ALK: variants seen among roughly 807,000 people sequenced by gnomAD.
ALK encodes the protein ALK tyrosine kinase receptor.
Under a neutral mutation model 163.1 loss-of-function variants are expected in ALK, and 74 were observed. That is an observed-to-expected ratio of 0.45 (90% CI 0.38 to 0.55). The LOEUF (loss-of-function observed/expected upper bound fraction) is 0.55, where lower values mean the gene tolerates loss of function less well. ALK is among the 20% of genes least tolerant of loss of function. The probability of loss-of-function intolerance (pLI) is 0.00; values close to 1 mark genes in which losing one functional copy is unlikely to be tolerated. For missense variants in ALK, 2,063 were observed against 2,105.3 expected (o/e 0.98, Z 0.39); for synonymous variants, 960 against 843.2 (o/e 1.14, Z -2.40).
chr2:29,412,512 T>G (rs1335983977), intron 4 of ALK, among the ~76,000 whole-genome samples: 2 of 152,210 alleles, frequency 1.3e-5, no homozygotes, highest in African/African-American at 2.4e-5. Flanking sequence ...ACCTTATGGA[T>G]GGAAGTCCTT....
intron 1 of ALK, among the ~76,000 whole-genome samples, chr2:29,730,111 C>T (rs1048703475): frequency 3.3e-5 from 5 of 152,212 alleles, no homozygotes; most frequent in East Asian, 1.9e-4. Flanking sequence ...GGGATCCCCT[C>T]GCCCCTTGGC....
At chr2:29,480,886 G>C (rs1219083821) in intron 4 of ALK, among the ~76,000 whole-genome samples, 2 of 150,090 alleles carry the variant, frequency 1.3e-5, no homozygotes, top group Non-Finnish European at 3.0e-5. Context: ...TGCAGATTCT[G>C]ATTCACCAGG....
At chr2:29,687,638 T>C (rs1208656232) in intron 3 of ALK, among the ~76,000 whole-genome samples, 1 of 152,140 alleles carries the variant, frequency 6.6e-6, no homozygotes, top group African/African-American at 2.4e-5. Flanking sequence ...TGAAAATCAC[T>C]AATAATTAAT....
At position 29,919,757 on chromosome 2, in the gene ALK, A is replaced by T. The variant is rs151284880; in HGVS notation, c.667+236T>A. On this transcript the variant is annotated intron_variant, in intron 1 of 28. Transcript: ENST00000389048. ...GAGAAGAAGGCGCTCTGCCAAGAGT[A>T]TGAAACTTTTCCCCCAACTTGGTTG... Among the ~76,000 whole-genome samples the T allele has an allele frequency of 5.7e-3, 865 of 152,286 alleles. 6 individuals carry two copies. Among genetic ancestry groups the T allele is most frequent in the African/African-American group, 0.018 (761 of 41,558 alleles).
chr2:29,394,293 G>GA (rs1181101231), intron 4 of ALK, among the ~76,000 whole-genome samples: 1 of 142,408 alleles, frequency 7.0e-6, no homozygotes, highest in East Asian at 2.0e-4. Context: ...CTTTTTAAAG[G>GA]AAAAAACACT....
At chr2:29,809,851 T>C (rs1475248891) in intron 1 of ALK, among the ~76,000 whole-genome samples, 1 of 152,254 alleles carries the variant, frequency 6.6e-6, no homozygotes, top group African/African-American at 2.4e-5. Context: ...ATGGTCCAGC[T>C]TCACTGAGAA....
intron 3 of ALK, among the ~76,000 whole-genome samples, chr2:29,605,266 C>G (rs913795224): frequency 6.6e-5 from 10 of 152,198 alleles, no homozygotes; most frequent in African/African-American, 2.4e-4. Context: ...ACTGATCTGA[C>G]AGGAGGTGGA....
At position 29,629,908 on chromosome 2, in the gene ALK, C is replaced by T. The variant is rs1184419051; in HGVS notation, c.952+64942G>A. ...ACCATGAAGCCAATTGGAAGTAATACATTCCTAGATCTATAAAATGATGAA... is the reference window on the plus strand; with the variant it reads ...ACCATGAAGCCAATTGGAAGTAATATATTCCTAGATCTATAAAATGATGAA... On this transcript the variant is annotated intron_variant, in intron 3 of 28. Coordinates refer to ENST00000389048, the MANE Select transcript of ALK (RefSeq NM_004304.5). Among the ~76,000 whole-genome samples the T allele has an allele frequency of 2.0e-5, 3 of 152,276 alleles. No homozygotes were observed. The East Asian group carries it at 5.8e-4, about 29-fold the overall frequency.
At chr2:29,514,650 T>C (rs551166389) in intron 4 of ALK, among the ~76,000 whole-genome samples, 7 of 152,284 alleles carry the variant, frequency 4.6e-5, no homozygotes, top group African/African-American at 1.7e-4. Flanking sequence ...TTTGTACTTT[T>C]CTCTCCACAC....
chr2:29,411,697 C>T (rs1018528030), intron 4 of ALK, among the ~76,000 whole-genome samples: 3 of 152,202 alleles, frequency 2.0e-5, no homozygotes, highest in Non-Finnish European at 2.9e-5. Flanking sequence ...GTTTCCTTTT[C>T]TCTTGCCTCT....
chr2:29,409,051 C>T lies in ALK; in HGVS notation c.1155-25192G>A, dbSNP rs535682092. Among the ~76,000 whole-genome samples the T allele has an allele frequency of 4.6e-5, 7 of 152,318 alleles. No individual in the cohort carries two copies. In the East Asian group the frequency reaches 7.7e-4, roughly 17 times the overall value. Reference sequence around the variant, plus strand: ...CAGGGACTTGTTTTGTTGTACTTTGCATCCTGGAGACAATGGAGATGCCAT... The same window carrying T: ...CAGGGACTTGTTTTGTTGTACTTTGTATCCTGGAGACAATGGAGATGCCAT... On this transcript the variant is annotated intron_variant, in intron 4 of 28. Transcript: ENST00000389048.
chr2:29,772,163 T>C (rs1035531216), intron 1 of ALK, among the ~76,000 whole-genome samples: 85 of 152,194 alleles, frequency 5.6e-4, no homozygotes, highest in Admixed American at 5.6e-3. Context: ...GGCAGAGGCT[T>C]CTGATACTTG....
intron 6 of ALK, 22 bp from the exon 7 acceptor site, chr2:29,320,904 A>G (rs1466719729): frequency 1.2e-6 from 2 of 1,614,146 alleles, no homozygotes; most frequent in African/African-American, 1.3e-5. Context: ...GCAGAGAGGC[A>G]CCATCATTTT....
chr2:29,874,519 A>T (rs1196860059), intron 1 of ALK, among the ~76,000 whole-genome samples: 1 of 151,980 alleles, frequency 6.6e-6, no homozygotes, highest in Non-Finnish European at 1.5e-5. Flanking sequence ...CTTGGACAGG[A>T]CCTCCCGGCC....
chr2:29,295,412 C>T (rs1666144927), intron 9 of ALK, among the ~76,000 whole-genome samples: 1 of 152,184 alleles, frequency 6.6e-6, no homozygotes, highest in Non-Finnish European at 1.5e-5. Context: ...TCCTGTTCTC[C>T]ACCAACTGCA....
chr2:29,838,535 C>G (rs555476860), intron 1 of ALK, among the ~76,000 whole-genome samples: 1 of 152,198 alleles, frequency 6.6e-6, no homozygotes, highest in African/African-American at 2.4e-5. Context: ...TGTCCATCAA[C>G]AGGAGAATGC....
chr2:29,573,823 C>T (rs1344660349), intron 3 of ALK, among the ~76,000 whole-genome samples: 1 of 152,000 alleles, frequency 6.6e-6, no homozygotes, highest in Non-Finnish European at 1.5e-5. Flanking sequence ...AGACAGTATA[C>T]AAATAAAGAC....
chr2:29,641,462 A>T (rs1676699092), intron 3 of ALK, among the ~76,000 whole-genome samples: 2 of 152,310 alleles, frequency 1.3e-5, no homozygotes, highest in South Asian at 2.1e-4. Context: ...GATCTGCTGA[A>T]CAGCCCCTGG....
At position 29,245,015 on chromosome 2, in the gene ALK, C is replaced by T. The variant is rs1419028816; in HGVS notation, c.2205-5185G>A. Among the ~76,000 whole-genome samples the T allele has an allele frequency of 2.6e-5, 4 of 151,778 alleles. No individual in the cohort carries two copies. The East Asian group carries it at 7.8e-4, about 29-fold the overall frequency. ...ACAGTAGGAGTGTTATGGCTCAGTG[C>T]CTGACACGTGGTAGGACTCCATGGG... On this transcript the variant is annotated intron_variant, in intron 12 of 28. Coordinates refer to ENST00000389048, the MANE Select transcript of ALK (RefSeq NM_004304.5).
Sources: allele counts gnomAD v4.1 joint callset (sites outside exome capture counted in the v4.1 genomes callset), GRCh38; gene constraint gnomAD v4.1.1; transcripts MANE v1.5; gene names NCBI Gene and HGNC (gene_info 2026-07-23, HGNC 2026-07-21).